NLGN1: variants seen among roughly 807,000 people sequenced by gnomAD.
The protein encoded by NLGN1 is neuroligin 1, also known as neuroligin-1.
NLGN1 carries 12 observed loss-of-function variants against 65.5 expected under a neutral mutation model. That is an observed-to-expected ratio of 0.18 (90% CI 0.12 to 0.30). The LOEUF (loss-of-function observed/expected upper bound fraction) is 0.30, where lower values mean the gene tolerates loss of function less well. Ranked by LOEUF, NLGN1 falls within the 10% of genes least tolerant of loss-of-function variation. The pLI, the probability that NLGN1 is intolerant of heterozygous loss-of-function variation, is 1.00. For missense variants in NLGN1, 750 were observed against 1,007.1 expected (o/e 0.74, Z 3.46); for synonymous variants, 350 against 359.5 (o/e 0.97, Z 0.30).
intron 3 of NLGN1, among the ~76,000 whole-genome samples, chr3:173,691,795 T>G (rs568072672): frequency 6.6e-6 from 1 of 152,042 alleles, no homozygotes; most frequent in African/African-American, 2.4e-5. Flanking sequence ...CCAAAGAAAA[T>G]GAAACAACGG....
At chr3:174,016,572 A>C (rs933326458) in intron 4 of NLGN1, among the ~76,000 whole-genome samples, 1 of 152,136 alleles carries the variant, frequency 6.6e-6, no homozygotes, top group Non-Finnish European at 1.5e-5. Flanking sequence ...GCATCAGGAG[A>C]CAGGGGTGAT....
chr3:173,490,886 C>G (rs1015487649), intron 2 of NLGN1, among the ~76,000 whole-genome samples: 6 of 151,830 alleles, frequency 4.0e-5, no homozygotes, highest in African/African-American at 1.2e-4. Flanking sequence ...CATGATTTGG[C>G]TCTCTGTTTG....
intron 4 of NLGN1, among the ~76,000 whole-genome samples, chr3:174,002,622 A>G (rs1188636762): frequency 1.3e-5 from 2 of 152,182 alleles, no homozygotes; most frequent in East Asian, 3.9e-4. Flanking sequence ...GCTAATAGGT[A>G]GAACAATGTA....
chr3:174,006,653 T>C (rs1290920853), intron 4 of NLGN1, among the ~76,000 whole-genome samples: 1 of 152,200 alleles, frequency 6.6e-6, no homozygotes, highest in African/African-American at 2.4e-5. Context: ...AATTCATATG[T>C]TGAAGCCCTA....
chr3:174,075,747 C>G (rs1288432391), intron 4 of NLGN1, among the ~76,000 whole-genome samples: 1 of 152,060 alleles, frequency 6.6e-6, no homozygotes, highest in African/African-American at 2.4e-5. Context: ...ATGAAAAGGA[C>G]ATAAAAATAA....
intron 4 of NLGN1, among the ~76,000 whole-genome samples, chr3:174,122,918 A>G (rs1442206835): frequency 6.6e-6 from 1 of 151,738 alleles, no homozygotes; most frequent in Non-Finnish European, 1.5e-5. Flanking sequence ...AAATGTAATA[A>G]TAAATAAATT....
chr3:173,912,864 A>G (rs1227164444), intron 4 of NLGN1, among the ~76,000 whole-genome samples: 1 of 152,214 alleles, frequency 6.6e-6, no homozygotes. Flanking sequence ...TATAGAAAGT[A>G]TGATTACAAG....
intron 4 of NLGN1, among the ~76,000 whole-genome samples, chr3:173,906,878 C>CAA (rs1224471514): frequency 4.5e-5 from 4 of 88,262 alleles, no homozygotes; most frequent in Non-Finnish European, 4.8e-5. Context: ...CAAACAAAAA[C>CAA]AAAAAAAAAA....
At chr3:174,244,341 G>T (rs1173279627) in intron 4 of NLGN1, among the ~76,000 whole-genome samples, 1 of 152,088 alleles carries the variant, frequency 6.6e-6, no homozygotes, top group Non-Finnish European at 1.5e-5. Context: ...AAAATTTTCT[G>T]CATGATGCTT....
chr3:173,611,320 A>T (rs1350488243), intron 3 of NLGN1, among the ~76,000 whole-genome samples: 3 of 152,070 alleles, frequency 2.0e-5, no homozygotes, highest in Admixed American at 1.3e-4. Context: ...AAGTTAAATT[A>T]TCTTGCCCAA....
At chr3:173,887,016 T>TGA (rs1043739307) in intron 4 of NLGN1, among the ~76,000 whole-genome samples, 26 of 152,198 alleles carry the variant, frequency 1.7e-4, no homozygotes, top group African/African-American at 6.0e-4. Context: ...GAATCAACCT[T>TGA]GAGATATTCA....
At chr3:173,661,031 G>C (rs767893062) in intron 3 of NLGN1, among the ~76,000 whole-genome samples, 3 of 151,982 alleles carry the variant, frequency 2.0e-5, no homozygotes, top group African/African-American at 7.2e-5. Context: ...AAGCAAACGT[G>C]AATGAGTAGT....
At chr3:173,533,559 A>G (rs574069712) in intron 2 of NLGN1, among the ~76,000 whole-genome samples, 1 of 152,306 alleles carries the variant, frequency 6.6e-6, no homozygotes, top group Admixed American at 6.5e-5. Flanking sequence ...GCTCTCTCAG[A>G]GAAAGGTTGT....
chr3:173,721,958 C>A (rs1770907919), intron 3 of NLGN1, among the ~76,000 whole-genome samples: 1 of 148,954 alleles, frequency 6.7e-6, no homozygotes, highest in African/African-American at 2.5e-5. Flanking sequence ...AAAAAAGGGA[C>A]CCCAGTGGAA....
rs1730530563 is a variant in NLGN1 at position 174,182,000 on chromosome 3, A to AG, written c.647-93315_647-93314insG. Among the ~76,000 whole-genome samples the AG allele has an allele frequency of 2.0e-5, 3 of 150,794 alleles. No individual in the cohort carries two copies. The South Asian group carries it at 6.3e-4, about 32-fold the overall frequency. ...TCAAAAAAAAAAAAAAAAAAAAAAA[A>AG]AGAATGTCTCCGAATAAACTTGGAC... On this transcript the variant is annotated intron_variant, in intron 4 of 6. Transcript: ENST00000457714.
At chr3:174,022,591 C>A (rs1727966900) in intron 4 of NLGN1, among the ~76,000 whole-genome samples, 1 of 152,118 alleles carries the variant, frequency 6.6e-6, no homozygotes. Context: ...CGCCAACAGG[C>A]ATATGAAAAA....
chr3:173,531,949 A>C (rs570042903), intron 2 of NLGN1, among the ~76,000 whole-genome samples: 12 of 152,266 alleles, frequency 7.9e-5, no homozygotes, highest in Non-Finnish European at 1.0e-4. Context: ...TCTTCAGCCA[A>C]AGTGGAGTTC....
chr3:174,035,124 ATTATT>A (rs1306211493), intron 4 of NLGN1, among the ~76,000 whole-genome samples: 1 of 152,214 alleles, frequency 6.6e-6, no homozygotes, highest in Non-Finnish European at 1.5e-5. Context: ...TAAAATTTAC[ATTATT>A]TAATTTATTC....
intron 4 of NLGN1, among the ~76,000 whole-genome samples, chr3:174,090,298 T>C (rs981846550): frequency 2.6e-5 from 4 of 151,784 alleles, no homozygotes; most frequent in Admixed American, 2.6e-4. Flanking sequence ...TGATGAAATC[T>C]CGTCTCTATT....
Sources: gnomAD v4.1 joint callset for allele counts (sites outside exome capture counted in the v4.1 genomes callset) on GRCh38, gnomAD v4.1.1 for gene constraint, MANE v1.5 for transcripts, NCBI Gene and HGNC (gene_info 2026-07-23, HGNC 2026-07-21) for gene names.